SPTB: variants seen among roughly 807,000 people sequenced by gnomAD.
SPTB encodes spectrin beta, erythrocytic, also known as spectrin beta chain, erythrocytic.
Under a neutral mutation model 256.2 loss-of-function variants are expected in SPTB, and 45 were observed. That is an observed-to-expected ratio of 0.18 (90% CI 0.14 to 0.23). The LOEUF (loss-of-function observed/expected upper bound fraction) is 0.23. Among genes scored for constraint, SPTB ranks in the 10% least tolerant of loss-of-function variants. The pLI is 1.00. For missense variants in SPTB, 2,715 were observed against 3,040.4 expected (o/e 0.89, Z 2.52); for synonymous variants, 1,231 against 1,243.1 (o/e 0.99, Z 0.21).
intron 1 of SPTB, among the ~76,000 whole-genome samples, chr14:64,859,028 G>A (rs1260327837): frequency 6.6e-6 from 1 of 152,150 alleles, no homozygotes; most frequent in Non-Finnish European, 1.5e-5. Context: ...GGAGGTTGAG[G>A]CAGGTGGAGC....
At chr14:64,848,297 T>A (rs1224955762) in intron 1 of SPTB, among the ~76,000 whole-genome samples, 2 of 152,238 alleles carry the variant, frequency 1.3e-5, no homozygotes, top group South Asian at 2.1e-4. Flanking sequence ...GAGACCATTT[T>A]AAAAAATCAC....
At chr14:64,787,705 A>G (rs1318566000) in intron 15 of SPTB, among the ~76,000 whole-genome samples, 1 of 152,228 alleles carries the variant, frequency 6.6e-6, no homozygotes, top group Non-Finnish European at 1.5e-5. Context: ...AATGGGGAGG[A>G]ATAAGTTGTG....
chr14:64,821,199 C>T (rs1181319573), intron 2 of SPTB, among the ~76,000 whole-genome samples: 2 of 152,152 alleles, frequency 1.3e-5, no homozygotes, highest in Non-Finnish European at 1.5e-5. Context: ...AATTTATGTG[C>T]CCATCCTACA....
chr14:64,831,506 C>A (rs994090129), intron 1 of SPTB, among the ~76,000 whole-genome samples: 3 of 152,084 alleles, frequency 2.0e-5, no homozygotes, highest in African/African-American at 7.2e-5. Flanking sequence ...ACAAGGAGAC[C>A]CCACAGGCAA....
At chr14:64,839,148 A>G (rs987559654) in intron 1 of SPTB, among the ~76,000 whole-genome samples, 2 of 152,320 alleles carry the variant, frequency 1.3e-5, no homozygotes, top group Non-Finnish European at 2.9e-5. Context: ...AAAAGCCTCT[A>G]TGCAAATATT....
chr14:64,813,411 A>G (rs1399156361), intron 2 of SPTB, among the ~76,000 whole-genome samples: 2 of 152,176 alleles, frequency 1.3e-5, no homozygotes, highest in African/African-American at 4.8e-5. Context: ...CAATCATTTC[A>G]TGGTGAGCTC....
rs1417832989 is a variant in SPTB, at chr14:64,804,094, T to C, written c.301-314A>G. Among the ~76,000 whole-genome samples the C allele has an allele frequency of 2.6e-5, 4 of 152,332 alleles. No homozygotes were observed. In the East Asian group the frequency reaches 7.7e-4, roughly 29 times the overall value. On this transcript the variant is annotated intron_variant, in intron 3 of 35. Coordinates refer to ENST00000644917, the MANE Select transcript of SPTB (RefSeq NM_001355436.2). ...CATATGGTTAATTGATCCCTTACCA[T>C]GTGCCAGGCACAGTTCTAAGAACTG...
Position 64,772,752 on chromosome 14 carries a change from G to C in SPTB, c.5381C>G (p.Ala1794Gly), listed in dbSNP as rs1251681287. Residue 1794 changes from alanine to glycine, a missense_variant, in exon 26 of 36, where the codon GCC (alanine) becomes GGC (glycine). Around this residue, in one of 4 missense-constraint regions of SPTB, gnomAD observed 2,239 missense variants for 2,384.4 expected, o/e 0.94. Coordinates refer to ENST00000644917, the MANE Select transcript of SPTB (RefSeq NM_001355436.2). The surrounding 1 kb of genome is among the most constrained non-coding windows in gnomAD (Gnocchi z 5.4). ...ELIDTRMQLLAASYDLHRYFY... is the reference protein window; with the variant it reads ...ELIDTRMQLLGASYDLHRYFY... ...GTAGCGGTGCAGGTCATAGGAGGCG[G>C]CCAGCAGCTGCATGCGCGTGTCAAT... 1 of 1,613,866 alleles carries C rather than the reference G, an allele frequency of 6.2e-7. No individual in the cohort carries two copies.
In SPTB at chr14:64,873,560, C is replaced by T. The variant is rs371804236; in HGVS notation, c.-52+6232G>A. Among the ~76,000 whole-genome samples the T allele has an allele frequency of 2.0e-5, 3 of 152,164 alleles. No homozygotes were observed. Among genetic ancestry groups the T allele is most frequent in the East Asian group, 3.8e-4 (2 of 5,202 alleles). On this transcript the variant is annotated intron_variant, in intron 1 of 35. Coordinates refer to ENST00000644917, the MANE Select transcript of SPTB (RefSeq NM_001355436.2). The surrounding 1 kb of genome is among the most constrained non-coding windows in gnomAD (Gnocchi z 4.3). ...TCCATTAATTCATGCTTTGGAACAG[C>T]ATCTGTGCATACTCTGGAGGGCCAT...
In SPTB at chr14:64,847,311, T is replaced by A. The variant is rs1360528693; in HGVS notation, c.-51-24166A>T. Among the ~76,000 whole-genome samples, 1 of 152,162 alleles carries A rather than the reference T, an allele frequency of 6.6e-6. No homozygotes were observed. The highest frequency in any genetic ancestry group is 2.4e-5 in the African/African-American group (1 of 41,432). On this transcript the variant is annotated intron_variant, in intron 1 of 35. Transcript: ENST00000644917. This position sits in a 1 kb window ranked among gnomAD's most constrained non-coding sequence, Gnocchi z 5.9. ...TGGCCATGTGAGAACACGTGCTCCA[T>A]CCACATGAAAAAGAATGGGCGGAAC...
At chr14:64,787,223 A>G (rs2082588437) in intron 15 of SPTB, 63 bp from the exon 16 acceptor site, 2 of 1,590,250 alleles carry the variant, frequency 1.3e-6, no homozygotes, top group Admixed American at 3.4e-5. Flanking sequence ...TTCTTCCCAT[A>G]GGAGACCCTG....
Position 64,777,103 on chromosome 14 carries a change from G to A in SPTB, c.4564-1700C>T, listed in dbSNP as rs114974919. On this transcript the variant is annotated intron_variant, in intron 22 of 35. Coordinates refer to ENST00000644917, the MANE Select transcript of SPTB (RefSeq NM_001355436.2). The surrounding 1 kb of genome is among the most constrained non-coding windows in gnomAD (Gnocchi z 4.5). ...TAAGGGAGTCAGGGAGGGCCTCTCT[G>A]AGGATACGAAACTTGACCATGACAT... Among the ~76,000 whole-genome samples, 1,146 of 152,320 alleles carry A rather than the reference G, an allele frequency of 7.5e-3. 19 individuals are homozygous for A. The highest frequency in any genetic ancestry group is 0.027 in the African/African-American group (1,106 of 41,568).
At chr14:64,811,202 T>C (rs1022430486) in intron 2 of SPTB, among the ~76,000 whole-genome samples, 4 of 152,100 alleles carry the variant, frequency 2.6e-5, no homozygotes, top group Non-Finnish European at 4.4e-5. Flanking sequence ...AAAGGGCTAA[T>C]TTACTTAATA....
At position 64,759,533 on chromosome 14, in the gene SPTB, G is replaced by A. The variant is rs1444489143; in HGVS notation, c.6346-5740C>T. 1.3e-5 allele frequency among the ~76,000 whole-genome samples: 2 copies of A among 152,250 alleles called. No homozygotes were observed. The highest frequency in any genetic ancestry group is 2.9e-5 in the Non-Finnish European group (2 of 68,048). On this transcript the variant is annotated intron_variant, in intron 32 of 35. Transcript: ENST00000644917. The surrounding 1 kb of genome is among the most constrained non-coding windows in gnomAD (Gnocchi z 4.8). The stretch of plus-strand genomic sequence containing the variant: ...CCCTGTAAGCAGGCCATGGTCTGAG[G>A]TGGGGACTGCCTTACCCGACAGGAG...
At chr14:64,843,918 G>A (rs1223695428) in intron 1 of SPTB, among the ~76,000 whole-genome samples, 1 of 152,152 alleles carries the variant, frequency 6.6e-6, no homozygotes, top group Non-Finnish European at 1.5e-5. Context: ...TCCCATCCCA[G>A]CACAGAGCTG....
chr14:64,813,609 C>T (rs965695344), intron 2 of SPTB, among the ~76,000 whole-genome samples: 1 of 152,226 alleles, frequency 6.6e-6, no homozygotes, highest in African/African-American at 2.4e-5. Flanking sequence ...GCAACCTCTG[C>T]CTCCTGGGTT....
intron 2 of SPTB, among the ~76,000 whole-genome samples, chr14:64,810,138 CTG>C (rs2083060957): frequency 6.6e-6 from 1 of 152,108 alleles, no homozygotes; most frequent in South Asian, 2.1e-4. Flanking sequence ...TATAGTAAAA[CTG>C]TGTTGTACTA....
intron 29 of SPTB, 142 bp downstream of exon 29, chr14:64,768,892 C>G (rs1289646769): frequency 2.6e-6 from 2 of 775,364 alleles, no homozygotes; most frequent in Non-Finnish European, 4.5e-6. Context: ...GCCCCTGGCC[C>G]CAGAGCTTTG....
At chr14:64,767,045 G>C (rs1382423390) in intron 31 of SPTB, among the ~76,000 whole-genome samples, 1 of 152,188 alleles carries the variant, frequency 6.6e-6, no homozygotes, top group African/African-American at 2.4e-5. Flanking sequence ...CCGTGTTCAG[G>C]TGGCTCCGAG....
Sources: gnomAD v4.1 joint callset for allele counts (sites outside exome capture counted in the v4.1 genomes callset) on GRCh38, gnomAD v4.1.1 for gene constraint, gnomAD v4.1.1 regional missense constraint, Gnocchi (gnomAD v3.1) non-coding constraint, MANE v1.5 for transcripts, NCBI Gene and HGNC (gene_info 2026-07-23, HGNC 2026-07-21) for gene names.